LARP1B: variants seen among roughly 807,000 people sequenced by gnomAD.
LARP1B encodes La ribonucleoprotein 1B.
LARP1B carries 76 observed loss-of-function variants against 114.2 expected under a neutral mutation model. That is an observed-to-expected ratio of 0.67 (90% CI 0.55 to 0.81). The LOEUF is 0.81. Among genes scored for constraint, LARP1B ranks in the 30% least tolerant of loss-of-function variants. The pLI is 0.00. For missense variants in LARP1B, 1,014 were observed against 1,075.8 expected, an observed-to-expected ratio of 0.94 and a Z score of 0.80; for synonymous variants, 345 against 348.0, an observed-to-expected ratio of 0.99 and a Z score of 0.10.
At chr4:128,072,120 C>T (rs952547845) in intron 1 of LARP1B, among the ~76,000 whole-genome samples, 24 of 152,158 alleles carry the variant, frequency 1.6e-4, no homozygotes, top group African/African-American at 5.5e-4. Flanking sequence ...GTGCCTCAGC[C>T]TCCAGAGTAG....
In LARP1B at chr4:128,210,632, A is replaced by T; in HGVS notation, c.*579A>T. 2 of 945,356 alleles carry T rather than the reference A, an allele frequency of 2.1e-6. No homozygotes were observed. Among genetic ancestry groups the T allele is most frequent in the Non-Finnish European group, 2.5e-6 (2 of 793,408 alleles). The allele number at this position is 945,356 out of a possible 1,614,324, so 58.6% of individuals were successfully genotyped here. Reference sequence around the variant, plus strand: ...ATATAGTTTAAAGAAAACTTTTTTTAAAACAAAAGTAGGAATATATAGTAA... The same window carrying T: ...ATATAGTTTAAAGAAAACTTTTTTTTAAACAAAAGTAGGAATATATAGTAA... On this transcript the variant is annotated 3_prime_UTR_variant, in exon 20 of 20. Coordinates refer to ENST00000326639, the MANE Select transcript of LARP1B (RefSeq NM_018078.4).
intron 9 of LARP1B, chr4:128,107,777 T>G: frequency 6.6e-7 from 1 of 1,520,720 alleles, no homozygotes; most frequent in Non-Finnish European, 8.8e-7. Flanking sequence ...CTGTTTAATT[T>G]GGTTGTGTTT....
intron 11 of LARP1B, among the ~76,000 whole-genome samples, chr4:128,144,776 A>G (rs565212403): frequency 5.9e-5 from 9 of 152,054 alleles, no homozygotes; most frequent in African/African-American, 1.9e-4. Flanking sequence ...TGGAATTTCC[A>G]TTTTTTATAG....
rs532274994 is a variant in LARP1B at position 128,094,877 on chromosome 4, C to T, written c.669-3309C>T. 4.5e-4 allele frequency among the ~76,000 whole-genome samples: 69 copies of T among 151,974 alleles called. 1 individual carries two copies. Among genetic ancestry groups the T allele is most frequent in the Admixed American group, 9.2e-4 (14 of 15,226 alleles). On this transcript the variant is annotated intron_variant, in intron 7 of 19. Transcript: ENST00000326639. The stretch of plus-strand genomic sequence containing the variant: ...AGCGATTCTCCTGCCTCAGCCTCCC[C>T]AGTAGCTGGGATTACAGGCACGCAA...
intron 1 of LARP1B, among the ~76,000 whole-genome samples, chr4:128,066,165 C>CTTTTTTTTTT (rs59927866): frequency 3.3e-3 from 331 of 99,136 alleles, no homozygotes; most frequent in Non-Finnish European, 3.9e-3. Flanking sequence ...TTTCTTTCTT[C>CTTTTTTTTTT]TTTTTTTTTT....
At chr4:128,118,287 A>G (rs1167317847) in intron 10 of LARP1B, among the ~76,000 whole-genome samples, 1 of 140,806 alleles carries the variant, frequency 7.1e-6, no homozygotes, top group African/African-American at 2.7e-5. Flanking sequence ...GCTGGAGTGC[A>G]GTGGCGCGAT....
At chr4:128,109,738 C>G (rs1008110867) in intron 9 of LARP1B, among the ~76,000 whole-genome samples, 1 of 150,290 alleles carries the variant, frequency 6.7e-6, no homozygotes, top group African/African-American at 2.4e-5. Context: ...TGACTCTTAG[C>G]ACCACTCAAT....
At chr4:128,134,301 G>A (rs550157624) in intron 11 of LARP1B, among the ~76,000 whole-genome samples, 43 of 152,162 alleles carry the variant, frequency 2.8e-4, no homozygotes, top group African/African-American at 9.6e-4. Context: ...GAAGCTGGCT[G>A]GGTAAATGAT....
chr4:128,109,868 G>A (rs1336143963), intron 9 of LARP1B, among the ~76,000 whole-genome samples: 2 of 152,070 alleles, frequency 1.3e-5, no homozygotes, highest in Non-Finnish European at 2.9e-5. Flanking sequence ...GAGATGAAAT[G>A]TATATGGTGA....
intron 11 of LARP1B, among the ~76,000 whole-genome samples, chr4:128,142,613 ATTC>A (rs1262899720): frequency 6.7e-6 from 1 of 150,142 alleles, no homozygotes; most frequent in Non-Finnish European, 1.5e-5. Context: ...GGTTCAAGCT[ATTC>A]TTCTGCCTCA....
chr4:128,212,671 A>C (rs7667562), downstream of LARP1B, among the ~76,000 whole-genome samples: 93,271 of 151,802 alleles, frequency 0.61, 30,427 homozygotes, highest in Middle Eastern at 0.82. Context: ...ACAAAAACAA[A>C]AAACAAACAA....
chr4:128,195,856 A>G (rs1000134614), intron 15 of LARP1B, among the ~76,000 whole-genome samples: 4 of 152,254 alleles, frequency 2.6e-5, no homozygotes, highest in African/African-American at 9.6e-5. Context: ...AACTTTAGCT[A>G]GACTGACAAA....
rs192610178 is a variant in LARP1B at position 128,131,155 on chromosome 4, A to C, written c.1524+8967A>C. Among the ~76,000 whole-genome samples the C allele has an allele frequency of 1.6e-3, 240 of 152,262 alleles. 1 individual carries two copies. Among genetic ancestry groups the C allele is most frequent in the Non-Finnish European group, 3.0e-3 (203 of 68,030 alleles). ...ATAGAAAATGTACAGGACAATTTTG[A>C]TAATACTGTCAGTGTTTTCATCTAT... On this transcript the variant is annotated intron_variant, in intron 11 of 19. Transcript: ENST00000326639.
chr4:128,219,249 G>C (rs1352114523), intron 6 of LARP1B, among the ~76,000 whole-genome samples: 3 of 136,046 alleles, frequency 2.2e-5, no homozygotes, highest in Non-Finnish European at 4.7e-5. Context: ...ATTCCTCAGG[G>C]ATCTAGAACT....
intron 5 of LARP1B, among the ~76,000 whole-genome samples, chr4:128,088,593 C>A (rs1338417869): frequency 2.0e-5 from 3 of 152,078 alleles, no homozygotes; most frequent in African/African-American, 7.2e-5. Flanking sequence ...TTCCAGCACA[C>A]AAGTACAAGA....
intron 1 of LARP1B, among the ~76,000 whole-genome samples, chr4:128,065,313 CTT>C (rs369488675): frequency 0.034 from 2,510 of 74,110 alleles, 57 homozygotes; most frequent in Middle Eastern, 0.045. Flanking sequence ...TTCTTTCTTT[CTT>C]TCTCTCTCTC....
At chr4:128,137,770 CATATATATAT>C (rs745646919) in intron 11 of LARP1B, among the ~76,000 whole-genome samples, 1 of 141,320 alleles carries the variant, frequency 7.1e-6, no homozygotes, top group African/African-American at 2.7e-5. Context: ...TGTGTGTATA[CATATATATAT>C]ATATATATAT....
At chr4:128,163,546 T>C (rs1739430082) in intron 12 of LARP1B, among the ~76,000 whole-genome samples, 1 of 152,180 alleles carries the variant, frequency 6.6e-6, no homozygotes, top group Non-Finnish European at 1.5e-5. Flanking sequence ...TAGAATACTT[T>C]TATAAAGAGA....
rs1435934683 is a variant in LARP1B, at chr4:128,122,093, A to G, written c.1429A>G (p.Thr477Ala). ...TGTHMSRAKI[T>A]SELAKVINDG... ...CACCCACATGTCTCGGGCAAAAATCACATCTGAACTTGCTAAAGTTATCAA... is the reference window on the plus strand; with the variant it reads ...CACCCACATGTCTCGGGCAAAAATCGCATCTGAACTTGCTAAAGTTATCAA... The change falls in exon 11 of 20, where the codon ACA becomes GCA. Residue 477 changes from threonine (T) to alanine (A), a missense_variant. Thr to Ala is a moderately conservative substitution (Grantham distance 58, BLOSUM62 0). Transcript: ENST00000326639. 1 of 1,614,174 alleles carries G rather than the reference A, an allele frequency of 6.2e-7. No individual in the cohort carries two copies. Among genetic ancestry groups the G allele is most frequent in the Non-Finnish European group, 8.5e-7 (1 of 1,180,010 alleles).
Sources: allele counts gnomAD v4.1 joint callset (sites outside exome capture counted in the v4.1 genomes callset), GRCh38; gene constraint gnomAD v4.1.1; transcripts MANE v1.5; gene names NCBI Gene and HGNC (gene_info 2026-07-23, HGNC 2026-07-21).